Variants in HSPG2 observed in about 807,000 individuals in gnomAD.
HSPG2 encodes heparan sulfate proteoglycan 2.
In HSPG2, 278 loss-of-function variants were observed where a neutral mutation model predicts 526.6. The ratio of observed to expected loss-of-function variants is 0.53; its 90% confidence interval spans 0.48 to 0.58. The LOEUF is 0.58. Among genes scored for constraint, HSPG2 ranks in the 20% least tolerant of loss-of-function variants. The probability of loss-of-function intolerance (pLI) is 0.00; values close to 1 mark genes in which losing one functional copy is unlikely to be tolerated. For synonymous variants in HSPG2, 2,465 were observed against 2,555.4 expected (o/e 0.96, Z 1.07); for missense variants, 5,354 against 6,099.5 (o/e 0.88, Z 4.07).
intron 1 of HSPG2, among the ~76,000 whole-genome samples, chr1:21,936,817 T>G (rs922105705): frequency 8.6e-5 from 13 of 152,012 alleles, no homozygotes; most frequent in African/African-American, 2.4e-4. Flanking sequence ...CCCACCCTGC[T>G]CAAAGTTTCC....
intron 85 of HSPG2, chr1:21,830,749 G>C: frequency 1.8e-6 from 1 of 563,424 alleles, no homozygotes; most frequent in Admixed American, 3.1e-5. Flanking sequence ...GGGTGGCGGG[G>C]TAGTGGTAAG....
intron 1 of HSPG2, among the ~76,000 whole-genome samples, chr1:21,933,803 C>T (rs147410512): frequency 2.6e-5 from 4 of 152,362 alleles, no homozygotes; most frequent in Non-Finnish European, 5.9e-5. Context: ...CATCCTGTGC[C>T]GGCTGCAGGT....
intron 47 of HSPG2, 44 bp from the exon 48 acceptor site, chr1:21,855,027 C>T (rs1639225389): frequency 1.2e-6 from 2 of 1,605,320 alleles, no homozygotes; most frequent in Middle Eastern, 1.9e-4. Context: ...GGCAGCTGGA[C>T]AACGGCTGGC....
At position 21,842,841 on chromosome 1, in the gene HSPG2, C is replaced by T. The variant is rs774559720; in HGVS notation, c.8839G>A (p.Val2947Met). The T allele has an allele frequency of 3.7e-6, 6 of 1,614,108 alleles. No homozygotes were observed. The South Asian group carries it at 6.6e-5, about 18-fold the overall frequency. Residue 2947 changes from valine (V) to methionine (M), a missense_variant, in exon 67 of 97, where the codon GTG becomes ATG. Transcript: ENST00000374695. ...TEGQTLDLNC[V>M]VPGQAHAQVT... ...TGGGCATGGGCCTGCCCGGGCACCACACAGTTCAGATCCAGAGTCTGCCCT... is the reference window on the plus strand; with the variant it reads ...TGGGCATGGGCCTGCCCGGGCACCATACAGTTCAGATCCAGAGTCTGCCCT...
chr1:21,879,029 C>A lies in HSPG2; in HGVS notation c.2436G>T (p.Arg812=), dbSNP rs753683050. ...DAMKATATSC[R]PCPCPYIDAS... Reference sequence around the variant, plus strand: ...CATCGATGTATGGGCAAGGGCAGGGCCGGCAGGAAGTGGCCGTGGCCTTCA... The same window carrying A: ...CATCGATGTATGGGCAAGGGCAGGGACGGCAGGAAGTGGCCGTGGCCTTCA... Residue 812 remains arginine, a synonymous_variant, in exon 18 of 97, where the codon CGG becomes CGT. Coordinates refer to ENST00000374695, the MANE Select transcript of HSPG2 (RefSeq NM_005529.7). The A allele has an allele frequency of 1.2e-6, 2 of 1,614,046 alleles. No individual in the cohort carries two copies. Among genetic ancestry groups the A allele is most frequent in the African/African-American group, 2.7e-5 (2 of 74,932 alleles).
At position 21,898,014 on chromosome 1, in the gene HSPG2, G is replaced by A. The variant is rs1411136237; in HGVS notation, c.64-1704C>T. Among the ~76,000 whole-genome samples, 1 of 152,196 alleles carries A rather than the reference G, an allele frequency of 6.6e-6. No individual in the cohort carries two copies. On this transcript the variant is annotated intron_variant, in intron 1 of 96. Coordinates refer to ENST00000374695, the MANE Select transcript of HSPG2 (RefSeq NM_005529.7). The surrounding 1 kb of genome is among the most constrained non-coding windows in gnomAD (Gnocchi z 4.0). ...GAATGGAAGCACCTTGAAGGCAAGG[G>A]CTGTGATGAATTCATCTCCACCTTT...
chr1:21,847,428 C>G lies in HSPG2; in HGVS notation c.8090G>C (p.Arg2697Pro). Residue 2697 changes from arginine (R) to proline (P), a missense_variant, in exon 62 of 97, where the codon CGG becomes CCG. Transcript: ENST00000374695. This position sits in a 1 kb window ranked among gnomAD's most constrained non-coding sequence, Gnocchi z 4.1. ...CAGGGCATCGATGTTGTTGTTGGCC[C>G]GGCACACATACTCGCCCGAGTCAGC... ...SVADSGEYVC[R>P]ANNNIDALEA... is the part of the protein sequence containing the mutation. The G allele has an allele frequency of 6.2e-7, 1 of 1,613,918 alleles. No homozygotes were observed. The highest frequency in any genetic ancestry group is 8.5e-7 in the Non-Finnish European group (1 of 1,180,030).
chr1:21,829,468 G>C lies in HSPG2; in HGVS notation c.11907C>G (p.Ser3969Arg). ...PLAPDGVLLFSGGKSGPVEDF... is the reference protein window; with the variant it reads ...PLAPDGVLLFRGGKSGPVEDF... Reference sequence around the variant, plus strand: ...CCTCCACAGGCCCGCTCTTCCCCCCGCTGAACAGCAGGACCCCGTCAGGGG... The same window carrying C: ...CCTCCACAGGCCCGCTCTTCCCCCCCCTGAACAGCAGGACCCCGTCAGGGG... Residue 3969 changes from serine to arginine, a missense_variant, in exon 87 of 97, where the codon AGC becomes AGG. Transcript: ENST00000374695. The C allele has an allele frequency of 6.2e-7, 1 of 1,613,356 alleles. No individual in the cohort carries two copies.
At chr1:21,892,304 TC>T (rs755248817) in intron 3 of HSPG2, among the ~76,000 whole-genome samples, 1 of 151,138 alleles carries the variant, frequency 6.6e-6, no homozygotes, top group Non-Finnish European at 1.5e-5. Flanking sequence ...CCATTGAGAG[TC>T]CCCCCACCCA....
rs563739329 is a variant in HSPG2 at position 21,824,883 on chromosome 1, G to A, written c.12590-104C>T. 26 of 1,094,792 alleles carry A rather than the reference G, an allele frequency of 2.4e-5. No homozygotes were observed. In the African/African-American group the frequency reaches 3.6e-4, roughly 15 times the overall value. 67.8% of individuals were successfully genotyped at this position (1,094,792 alleles called of 1,614,324 possible). On this transcript the variant is annotated intron_variant, in intron 91 of 96. Coordinates refer to ENST00000374695, the MANE Select transcript of HSPG2 (RefSeq NM_005529.7). This position sits in a 1 kb window ranked among gnomAD's most constrained non-coding sequence, Gnocchi z 5.9. ...TCCACGCCAACATGCAGGACTAGGGGGCTCCGAGCCTGCAGTCCCTGGGGA... is the reference window on the plus strand; with the variant it reads ...TCCACGCCAACATGCAGGACTAGGGAGCTCCGAGCCTGCAGTCCCTGGGGA...
At chr1:21,878,741 G>C in intron 18 of HSPG2, 78 bp from the exon 19 acceptor site, 1 of 1,369,224 alleles carries the variant, frequency 7.3e-7, no homozygotes, top group East Asian at 2.3e-5. Context: ...AATGACTGCT[G>C]TCTACACAGA....
intron 1 of HSPG2, chr1:21,908,610 G>T: frequency 1.6e-6 from 1 of 644,200 alleles, no homozygotes; most frequent in Non-Finnish European, 2.8e-6. Context: ...AAAGACCTCT[G>T]GGCTGTTAAA....
At chr1:21,883,865 A>T (rs969408391) in intron 13 of HSPG2, among the ~76,000 whole-genome samples, 10 of 152,184 alleles carry the variant, frequency 6.6e-5, no homozygotes, top group Admixed American at 6.5e-4. Context: ...TCTGCCTCTC[A>T]GTGCCAGAAA....
chr1:21,877,194 G>C (rs548841585), intron 21 of HSPG2, among the ~76,000 whole-genome samples: 1 of 152,122 alleles, frequency 6.6e-6, no homozygotes, highest in Non-Finnish European at 1.5e-5. Context: ...CTGCCAGGGG[G>C]TTCACCAATA....
At chr1:21,888,965 G>A (rs1319068878) in intron 6 of HSPG2, among the ~76,000 whole-genome samples, 11 of 152,106 alleles carry the variant, frequency 7.2e-5, no homozygotes, top group African/African-American at 9.7e-5. Flanking sequence ...TTGCTCTGTC[G>A]CCCAGGCTGG....
At chr1:21,838,368 G>A (rs1384201557) in intron 74 of HSPG2, among the ~76,000 whole-genome samples, 1 of 152,216 alleles carries the variant, frequency 6.6e-6, no homozygotes, top group Non-Finnish European at 1.5e-5. Flanking sequence ...GCTCTCTGAA[G>A]ATCCACTGAA....
At position 21,830,984 on chromosome 1, in the gene HSPG2, G is replaced by C. The variant is rs1260275364; in HGVS notation, c.11669C>G (p.Pro3890Arg). ...CEHSQALHCHPEACGPDATCV... is the reference protein window; with the variant it reads ...CEHSQALHCHREACGPDATCV... ...CGACTGGCGGTCGGGGTGCGTACCT[G>C]GATGGCAGTGCAGGGCCTGCGAGTG... Residue 3890 changes from proline (P) to arginine (R), a missense_variant and splice_region_variant, in exon 85 of 97, where the codon CCA (proline) becomes CGA (arginine). By Grantham distance (103) the Pro-to-Arg change is moderately radical. Transcript: ENST00000374695. The C allele has an allele frequency of 1.3e-6, 2 of 1,576,776 alleles. No individual in the cohort carries two copies. Among genetic ancestry groups the C allele is most frequent in the East Asian group, 4.6e-5 (2 of 43,732 alleles).
In HSPG2 at chr1:21,847,144, T is replaced by C. The variant is rs1487418889; in HGVS notation, c.8164+210A>G. On this transcript the variant is annotated intron_variant, in intron 62 of 96. Coordinates refer to ENST00000374695, the MANE Select transcript of HSPG2 (RefSeq NM_005529.7). The surrounding 1 kb of genome is among the most constrained non-coding windows in gnomAD (Gnocchi z 4.1). The stretch of plus-strand genomic sequence containing the variant: ...TGTGATGATGGAAATGCTTTTTATC[T>C]GCACAGGCCAAGTCAGTGGCTGCAA... Among the ~76,000 whole-genome samples, 1 of 152,270 alleles carries C rather than the reference T, an allele frequency of 6.6e-6. No homozygotes were observed. Among genetic ancestry groups the C allele is most frequent in the Non-Finnish European group, 1.5e-5 (1 of 68,048 alleles).
Position 21,858,515 on chromosome 1 carries a change from C to T in HSPG2, c.5293+1051G>A, listed in dbSNP as rs1639521237. Among the ~76,000 whole-genome samples, 1 of 152,210 alleles carries T rather than the reference C, an allele frequency of 6.6e-6. No homozygotes were observed. Among genetic ancestry groups the T allele is most frequent in the African/African-American group, 2.4e-5 (1 of 41,442 alleles). The stretch of plus-strand genomic sequence containing the variant: ...CCATACTCATTTCTCTGGCTGGGGC[C>T]TCTTACTGGAGTTCAGACTCACATA... On this transcript the variant is annotated intron_variant, in intron 42 of 96. Coordinates refer to ENST00000374695, the MANE Select transcript of HSPG2 (RefSeq NM_005529.7). The surrounding 1 kb of genome is among the most constrained non-coding windows in gnomAD (Gnocchi z 4.2).
Sources: gnomAD v4.1 joint callset for allele counts (sites outside exome capture counted in the v4.1 genomes callset) on GRCh38, gnomAD v4.1.1 for gene constraint, Gnocchi (gnomAD v3.1) non-coding constraint, MANE v1.5 for transcripts, NCBI Gene and HGNC (gene_info 2026-07-23, HGNC 2026-07-21) for gene names.